The following KATNIP variants were observed in gnomAD, a reference collection of about 807,000 sequenced individuals.
KATNIP encodes katanin interacting protein, also known as katanin-interacting protein.
In KATNIP, 126 loss-of-function variants were observed where a neutral mutation model predicts 174.0. The observed-to-expected ratio is 0.72, with a 90% confidence interval of 0.63 to 0.84. The LOEUF (loss-of-function observed/expected upper bound fraction) is 0.84, where lower values mean the gene tolerates loss of function less well. KATNIP is among the 40% of genes least tolerant of loss of function. The probability of loss-of-function intolerance (pLI) is 0.00; values close to 1 mark genes in which losing one functional copy is unlikely to be tolerated. For missense variants in KATNIP, 1,958 were observed against 2,109.7 expected (o/e 0.93, Z 1.41); for synonymous variants, 810 against 835.7 (o/e 0.97, Z 0.53).
intron 1 of KATNIP, among the ~76,000 whole-genome samples, chr16:27,572,469 T>C (rs1411479262): frequency 2.0e-5 from 3 of 151,742 alleles, no homozygotes; most frequent in African/African-American, 7.3e-5. Flanking sequence ...TGGCCTCTGT[T>C]AGTCTACCCC....
At chr16:27,650,964 G>C (rs2077102836) in intron 6 of KATNIP, among the ~76,000 whole-genome samples, 1 of 152,158 alleles carries the variant, frequency 6.6e-6, no homozygotes, top group African/African-American at 2.4e-5. Context: ...GGATCAGTCT[G>C]TGCAAAACAG....
intron 13 of KATNIP, chr16:27,718,935 G>A (rs938669711): frequency 6.6e-6 from 1 of 152,160 alleles, no homozygotes; most frequent in Admixed American, 6.6e-5. Flanking sequence ...CCATCTCCTG[G>A]GGGCCAATAA....
chr16:27,684,135 T>C (rs2078441996), intron 8 of KATNIP, among the ~76,000 whole-genome samples: 1 of 152,224 alleles, frequency 6.6e-6, no homozygotes, highest in African/African-American at 2.4e-5. Flanking sequence ...GCTCCCAAGC[T>C]GTGTGTAGGA....
Position 27,698,269 on chromosome 16 carries a change from T to G in KATNIP, c.941-59T>G, listed in dbSNP as rs2078983319. The G allele has an allele frequency of 3.9e-6, 6 of 1,524,672 alleles. No individual in the cohort carries two copies. The South Asian group carries it at 7.6e-5, about 19-fold the overall frequency. 94.4% of individuals were successfully genotyped at this position (1,524,672 alleles called of 1,614,324 possible). The stretch of plus-strand genomic sequence containing the variant: ...GTTCCTCAATTGGGGTCTAATGGGT[T>G]GTGAGCTGCACTCCGAGAATATAAT... On this transcript the variant is annotated intron_variant, in intron 8 of 27. Transcript: ENST00000261588.
In KATNIP at chr16:27,708,874, C is replaced by T. The variant is rs778011512; in HGVS notation, c.1559C>T (p.Thr520Ile). The change falls in exon 13 of 28, where the codon ACA (threonine) becomes ATA (isoleucine). Residue 520 changes from threonine (T) to isoleucine (I), a missense_variant. Thr to Ile is a moderately conservative substitution (Grantham distance 89). This residue lies in a region of KATNIP where 1,557 missense variants were observed against 1,617.8 expected (regional missense o/e 0.96). Transcript: ENST00000261588. Reference sequence around the variant, plus strand: ...CCCCACGATGTGGATATCCGGAACACAGCCACGCCTGGGGAGCTGGGCCGC... The same window carrying T: ...CCCCACGATGTGGATATCCGGAACATAGCCACGCCTGGGGAGCTGGGCCGC... ...VSPHDVDIRN[T>I]ATPGELGRLV... 1.9e-6 allele frequency: 3 copies of T among 1,613,942 alleles called. No homozygotes were observed. Among genetic ancestry groups the T allele is most frequent in the Non-Finnish European group, 2.5e-6 (3 of 1,180,018 alleles).
intron 8 of KATNIP, chr16:27,687,273 C>G (rs2078558981): frequency 6.6e-6 from 1 of 152,088 alleles, no homozygotes; most frequent in African/African-American, 2.4e-5. Flanking sequence ...CAGCCCTGTT[C>G]ATTCTCCATG....
At chr16:27,664,353 C>G (rs1597104569) in intron 6 of KATNIP, among the ~76,000 whole-genome samples, 1 of 152,276 alleles carries the variant, frequency 6.6e-6, no homozygotes, top group South Asian at 2.1e-4. Context: ...AATAATCATT[C>G]TCTTTTTGGT....
intron 2 of KATNIP, among the ~76,000 whole-genome samples, chr16:27,601,163 C>G (rs908323914): frequency 6.6e-6 from 1 of 152,154 alleles, no homozygotes; most frequent in African/African-American, 2.4e-5. Flanking sequence ...CCTCCGTGTT[C>G]TTTCCTTTCT....
At chr16:27,693,909 T>TG (rs1179505568) in intron 8 of KATNIP, among the ~76,000 whole-genome samples, 11 of 152,196 alleles carry the variant, frequency 7.2e-5, no homozygotes, top group Admixed American at 7.2e-4. Context: ...TAGCTTTTCT[T>TG]GGGGGAAAAA....
intron 1 of KATNIP, among the ~76,000 whole-genome samples, chr16:27,561,626 A>G (rs1435726569): frequency 6.6e-6 from 1 of 152,206 alleles, no homozygotes; most frequent in Admixed American, 6.5e-5. Flanking sequence ...AGCGCTACAG[A>G]TATCTGGTTA....
chr16:27,628,719 C>T lies in KATNIP; in HGVS notation c.199C>T (p.Gln67Ter). ...GCAATTGAGGCTGGAGCACTTGGAG[C>T]AAGGTTTCTCTGTCTATGTCAACGG... ...PVQLRLEHLE[Q>*]GFSVYVNGAN... is the part of the protein sequence containing the mutation. Residue 67 changes from glutamine to a stop codon, truncating the protein, a stop_gained, in exon 4 of 28, where the codon CAA becomes TAA. Coordinates refer to ENST00000261588, the MANE Select transcript of KATNIP (RefSeq NM_015202.5). LOFTEE classifies it high-confidence loss of function. The T allele has an allele frequency of 6.2e-7, 1 of 1,614,172 alleles. No individual in the cohort carries two copies. Among genetic ancestry groups the T allele is most frequent in the Non-Finnish European group, 8.5e-7 (1 of 1,180,030 alleles).
At chr16:27,667,118 C>T (rs931724145) in intron 6 of KATNIP, among the ~76,000 whole-genome samples, 10 of 152,004 alleles carry the variant, frequency 6.6e-5, no homozygotes, top group African/African-American at 2.4e-4. Context: ...CCCAGCAGTT[C>T]GAGACCAGCC....
chr16:27,561,225 A>G (rs138050430), intron 1 of KATNIP, among the ~76,000 whole-genome samples: 1,569 of 147,064 alleles, frequency 0.011, 44 homozygotes, highest in African/African-American at 0.037. Context: ...GTTTCACCAT[A>G]TTGGTCAGGC....
rs556687403 is a variant in KATNIP, at chr16:27,616,887, TAAAAAAAAAAAAAAAAAAAAA to T, written c.64-1520_64-1500del. Among the ~76,000 whole-genome samples the T allele has an allele frequency of 5.7e-4, 18 of 31,386 alleles. No homozygotes were observed. The South Asian group carries it at 9.7e-3, about 17-fold the overall frequency. The allele number at this position is 31,386 out of a possible 152,430, so 20.6% of individuals were successfully genotyped here. On this transcript the variant is annotated intron_variant, in intron 2 of 27. Transcript: ENST00000261588. Reference sequence around the variant, plus strand: ...CAACATAGTGAGATGCCATCTCTACTAAAAAAAAAAAAAAAAAAAAAAAAAAAAAAAAAAAAAATGCTTTTT... The same window carrying T: ...CAACATAGTGAGATGCCATCTCTACTAAAAAAAAAAAAAAAAATGCTTTTT...
At position 27,750,343 on chromosome 16, in the gene KATNIP, A is replaced by G. The variant is rs369203516; in HGVS notation, c.3346+37A>G. 13 of 1,569,162 alleles carry G rather than the reference A, an allele frequency of 8.3e-6. No individual in the cohort carries two copies. The African/African-American group carries it at 1.5e-4, about 18-fold the overall frequency. On this transcript the variant is annotated intron_variant, in intron 16 of 27. Coordinates refer to ENST00000261588, the MANE Select transcript of KATNIP (RefSeq NM_015202.5). Reference sequence around the variant, plus strand: ...CTGTAAGAATTTTCTCAGAGCCCCTATCTGTGACTTGCTGAGAGTCTATGG... The same window carrying G: ...CTGTAAGAATTTTCTCAGAGCCCCTGTCTGTGACTTGCTGAGAGTCTATGG...
In KATNIP at chr16:27,550,149, C is replaced by T. The variant is rs201265094; in HGVS notation, c.-22C>T. ...GTAGAGGCCGCTTCCGGTTCGAGCT[C>T]CCGGAACCGCCGCCTCTAGGGATGG... On this transcript the variant is annotated 5_prime_UTR_variant, in exon 1 of 28. Transcript: ENST00000261588. 1.5e-4 allele frequency: 244 copies of T among 1,612,416 alleles called. No homozygotes were observed. The highest frequency in any genetic ancestry group is 4.9e-4 in the Middle Eastern group (3 of 6,072).
chr16:27,751,634 G>C, intron 16 of KATNIP, 85 bp from the exon 17 acceptor site: 1 of 1,275,286 alleles, frequency 7.8e-7, no homozygotes, highest in South Asian at 1.3e-5. Context: ...GTACAGCACA[G>C]AAGTGGATGG....
intron 2 of KATNIP, among the ~76,000 whole-genome samples, chr16:27,587,632 C>T (rs368753201): frequency 2.0e-5 from 3 of 152,164 alleles, no homozygotes; most frequent in Admixed American, 6.5e-5. Context: ...AATGTGCTCA[C>T]GGCACTTAAA....
chr16:27,777,635 A>G lies in KATNIP; in HGVS notation c.4577A>G (p.Tyr1526Cys). The G allele has an allele frequency of 6.2e-7, 1 of 1,613,022 alleles. No individual in the cohort carries two copies. Among genetic ancestry groups the G allele is most frequent in the Non-Finnish European group, 8.5e-7 (1 of 1,179,508 alleles). Residue 1526 changes from tyrosine to cysteine, a missense_variant, in exon 26 of 28, where the codon TAC (tyrosine) becomes TGC (cysteine). Physicochemically the swap from Tyr to Cys is radical, Grantham distance 194. Coordinates refer to ENST00000261588, the MANE Select transcript of KATNIP (RefSeq NM_015202.5). The surrounding 1 kb of genome is among the most constrained non-coding windows in gnomAD (Gnocchi z 4.4). ...CTCCTGGTGGACGACCTGCTTGTGT[A>G]CAATGGGATCCTGGCCATGGTGAGC... ...FGLLVDDLLVYNGILAMVSHL... is the reference protein window; with the variant it reads ...FGLLVDDLLVCNGILAMVSHL...
Sources: gnomAD v4.1 joint callset for allele counts (sites outside exome capture counted in the v4.1 genomes callset) on GRCh38, gnomAD v4.1.1 for gene constraint, gnomAD v4.1.1 regional missense constraint, Gnocchi (gnomAD v3.1) non-coding constraint, MANE v1.5 for transcripts, NCBI Gene and HGNC (gene_info 2026-07-23, HGNC 2026-07-21) for gene names.